Variants in RANBP2 observed in about 807,000 individuals in gnomAD.
RANBP2 encodes E3 SUMO-protein ligase RanBP2.
RANBP2 carries 57 observed loss-of-function variants against 303.6 expected under a neutral mutation model. The observed-to-expected ratio is 0.19, with a 90% CI of 0.15 to 0.23. RANBP2 has a LOEUF of 0.23. Ranked by LOEUF, RANBP2 falls within the 10% of genes least tolerant of loss-of-function variation. The pLI is 1.00. For missense variants in RANBP2, 3,138 were observed against 3,780.8 expected (o/e 0.83, Z 4.46); for synonymous variants, 1,167 against 1,301.5 (o/e 0.90, Z 2.23).
At chr2:109,550,342 T>C in the RANBP2 span, among the ~76,000 whole-genome samples, 25 of 151,162 alleles carry the variant, frequency 1.7e-4, no homozygotes, top group African/African-American at 5.8e-4. Flanking sequence ...AGACGGATTC[T>C]CGCTCTGTTG....
chr2:109,676,725 G>T, the RANBP2 span, among the ~76,000 whole-genome samples: 3 of 152,220 alleles, frequency 2.0e-5, no homozygotes, highest in Non-Finnish European at 2.9e-5. Context: ...CAGCATGCCA[G>T]ATAGCACAGT....
chr2:108,886,546 C>T, the RANBP2 span, among the ~76,000 whole-genome samples: 6 of 152,186 alleles, frequency 3.9e-5, no homozygotes, highest in Non-Finnish European at 8.8e-5. Context: ...TCCCGAGTAG[C>T]TGGGACTACA....
the RANBP2 span, among the ~76,000 whole-genome samples, chr2:108,993,508 G>C: frequency 6.6e-6 from 1 of 152,310 alleles, no homozygotes; most frequent in South Asian, 2.1e-4. Flanking sequence ...AGGAAAGGGA[G>C]AGACTAAGTC....
At chr2:109,037,633 AAAAT>A in the RANBP2 span, among the ~76,000 whole-genome samples, 7 of 152,332 alleles carry the variant, frequency 4.6e-5, no homozygotes, top group South Asian at 1.5e-3. Context: ...GCAATACAGA[AAAAT>A]AAATGTCATT....
chr2:108,855,154 CTG>C, the RANBP2 span, among the ~76,000 whole-genome samples: 1 of 151,978 alleles, frequency 6.6e-6, no homozygotes, highest in Non-Finnish European at 1.5e-5. Context: ...TTTAGAAAAT[CTG>C]AAATATTCAA....
the RANBP2 span, among the ~76,000 whole-genome samples, chr2:109,273,062 A>G: frequency 6.6e-6 from 1 of 152,218 alleles, no homozygotes; most frequent in Non-Finnish European, 1.5e-5. Flanking sequence ...CCAGTAGTCA[A>G]ATAGAAGTTG....
chr2:109,033,585 G>A, the RANBP2 span, among the ~76,000 whole-genome samples: 216 of 152,292 alleles, frequency 1.4e-3, no homozygotes, highest in Non-Finnish European at 2.3e-3. Context: ...AACTACGGAG[G>A]GGCAAGGAAG....
chr2:109,544,452 A>C, the RANBP2 span: 46 of 1,398,900 alleles, frequency 3.3e-5, no homozygotes, highest in Admixed American at 1.3e-3. Context: ...GAAAAAACCA[A>C]AAACACCAAA....
chr2:109,476,256 C>G, the RANBP2 span, among the ~76,000 whole-genome samples: 3 of 152,216 alleles, frequency 2.0e-5, no homozygotes, highest in Middle Eastern at 3.2e-3. Context: ...ACAAAGTTCT[C>G]CAGACACAGT....
At chr2:109,268,079 G>C in the RANBP2 span, among the ~76,000 whole-genome samples, 1 of 151,834 alleles carries the variant, frequency 6.6e-6, no homozygotes, top group Non-Finnish European at 1.5e-5. Flanking sequence ...ATCCCACCTG[G>C]AGCCCAGAGA....
the RANBP2 span, among the ~76,000 whole-genome samples, chr2:109,510,127 A>G: frequency 4.6e-5 from 7 of 152,164 alleles, no homozygotes; most frequent in Admixed American, 1.3e-4. Context: ...GCACACCCCA[A>G]CCCGAGGCTG....
chr2:109,387,858 TG>T, the RANBP2 span, among the ~76,000 whole-genome samples: 25,289 of 146,892 alleles, frequency 0.17, 2,580 homozygotes, highest in African/African-American at 0.28. Flanking sequence ...CCCAGATGGT[TG>T]GGGGGGGGGT....
intron 22 of RANBP2, 122 bp downstream of exon 22, chr2:108,772,703 TTAAAAC>T: frequency 8.0e-7 from 1 of 1,251,106 alleles, no homozygotes; most frequent in Non-Finnish European, 1.1e-6. Context: ...TTTAAAAAAC[TTAAAAC>T]TAACAGGTGA....
the RANBP2 span, among the ~76,000 whole-genome samples, chr2:109,620,648 G>A: frequency 3.9e-5 from 6 of 152,284 alleles, no homozygotes; most frequent in South Asian, 1.2e-3. Flanking sequence ...GTTGCAGTGA[G>A]CTGAGATTGT....
At chr2:109,572,402 G>A in the RANBP2 span, among the ~76,000 whole-genome samples, 2 of 152,014 alleles carry the variant, frequency 1.3e-5, no homozygotes, top group African/African-American at 2.4e-5. Context: ...CAAACCGCTG[G>A]GGTTACAGGC....
At chr2:109,494,496 G>A in the RANBP2 span, among the ~76,000 whole-genome samples, 1 of 152,198 alleles carries the variant, frequency 6.6e-6, no homozygotes, top group African/African-American at 2.4e-5. Flanking sequence ...CTCGGGCTGG[G>A]ACAGCACCAG....
At chr2:109,207,901 A>AT in the RANBP2 span, among the ~76,000 whole-genome samples, 2 of 152,048 alleles carry the variant, frequency 1.3e-5, no homozygotes, top group African/African-American at 2.4e-5. Flanking sequence ...CTGTATCATC[A>AT]TTTTCCCAGG....
chr2:109,186,910 T>C, the RANBP2 span, among the ~76,000 whole-genome samples: 1 of 152,168 alleles, frequency 6.6e-6, no homozygotes, highest in Non-Finnish European at 1.5e-5. Context: ...ACCCAGTTTA[T>C]AGCAAAAAAG....
intron 1 of RANBP2, among the ~76,000 whole-genome samples, chr2:108,721,661 G>A (rs910779627): frequency 9.9e-5 from 15 of 152,090 alleles, no homozygotes; most frequent in African/African-American, 1.2e-4. Context: ...TGCCCAGGCT[G>A]TTCTTGAACT....
Sources: allele counts gnomAD v4.1 joint callset (sites outside exome capture counted in the v4.1 genomes callset), GRCh38; gene constraint gnomAD v4.1.1; transcripts MANE v1.5; gene names NCBI Gene and HGNC (gene_info 2026-07-23, HGNC 2026-07-21).